Variants in HOPX observed in about 807,000 individuals in gnomAD.
The protein encoded by HOPX is HOP homeobox, also known as homeodomain-only protein.
A neutral mutation model predicts 11.8 loss-of-function variants in HOPX; 5 were observed. That is an observed-to-expected ratio of 0.43 (90% CI 0.22 to 0.89). The LOEUF (loss-of-function observed/expected upper bound fraction) is 0.89. Ranked by LOEUF, HOPX falls within the 40% of genes least tolerant of loss-of-function variation. The pLI is 0.28. For synonymous variants in HOPX, 49 were observed against 49.7 expected, an observed-to-expected ratio of 0.99 and a Z score of 0.06; for missense variants, 119 against 120.0, an observed-to-expected ratio of 0.99 and a Z score of 0.04.
rs1270561890 is a variant in HOPX, at chr4:56,656,100, A to G, written c.43-88T>C. ...GAAGGCGGTCGCGGCGCCGCCGGGCAGCCCCAGCCCCAGGCCGCCCCCTCC... is the reference window on the plus strand; with the variant it reads ...GAAGGCGGTCGCGGCGCCGCCGGGCGGCCCCAGCCCCAGGCCGCCCCCTCC... On this transcript the variant is annotated intron_variant, in intron 2 of 3. Coordinates refer to ENST00000420433, the MANE Select transcript of HOPX (RefSeq NM_032495.6). 2.3e-6 allele frequency: 3 copies of G among 1,318,702 alleles called. No individual in the cohort carries two copies. In the East Asian group the frequency reaches 9.7e-5, roughly 43 times the overall value. 81.7% of individuals were successfully genotyped at this position (1,318,702 alleles called of 1,614,324 possible). A position where few individuals can be genotyped will look rare whatever the true frequency, so the allele number is the denominator to read the frequency against.
intron 3 of HOPX, among the ~76,000 whole-genome samples, chr4:56,654,981 G>C (rs933495471): frequency 1.3e-5 from 2 of 152,130 alleles, no homozygotes; most frequent in Non-Finnish European, 2.9e-5. Context: ...TCGGAGTTTA[G>C]ACAGGGTTTT....
intron 2 of HOPX, among the ~76,000 whole-genome samples, 188 bp downstream of exon 2, chr4:56,657,587 C>A (rs557982959): frequency 6.6e-6 from 1 of 152,294 alleles, no homozygotes; most frequent in African/African-American, 2.4e-5. Flanking sequence ...ACTTGCCAAG[C>A]CACCATGAAA....
intron 1 of HOPX, among the ~76,000 whole-genome samples, chr4:56,658,305 AT>A (rs1329945920): frequency 6.6e-6 from 1 of 152,094 alleles, no homozygotes; most frequent in Non-Finnish European, 1.5e-5. Flanking sequence ...ACTGCATTTT[AT>A]TTTATGAGAT....
rs193197542 is a variant in HOPX, at chr4:56,676,546, T to C, written c.-84+4709A>G. On this transcript the variant is annotated intron_variant, in intron 1 of 3. Coordinates refer to ENST00000420433, the MANE Select transcript of HOPX (RefSeq NM_032495.6). ...TTGTCATTTGTTTTTCTTTTCTTTT[T>C]TTTTTTATTTTGGAGAAACTCTGAA... is the stretch of plus-strand genomic sequence containing the variant. The C allele has an allele frequency of 4.4e-4, 67 of 151,718 alleles. 3 individuals carry two copies. Among genetic ancestry groups the C allele is most frequent in the African/African-American group, 1.6e-3 (64 of 41,026 alleles). The allele number at this position is 151,718 out of a possible 1,614,324, so 9.4% of individuals were successfully genotyped here.
Position 56,648,427 on chromosome 4 carries a change from A to G in HOPX, c.*293T>C, listed in dbSNP as rs1345605990. 1.0e-5 allele frequency: 3 copies of G among 300,514 alleles called. No homozygotes were observed. The highest frequency in any genetic ancestry group is 6.5e-5 in the African/African-American group (3 of 46,372). The allele number at this position is 300,514 out of a possible 1,614,324, so 18.6% of individuals were successfully genotyped here. A position where few individuals can be genotyped will look rare whatever the true frequency, so the allele number is the denominator to read the frequency against. Reference sequence around the variant, plus strand: ...CTACTGGGAGGTGATGGTCAAAAGCAAACTTAGATGGTTTTCACACCATCT... The same window carrying G: ...CTACTGGGAGGTGATGGTCAAAAGCGAACTTAGATGGTTTTCACACCATCT... On this transcript the variant is annotated 3_prime_UTR_variant, in exon 4 of 4. Transcript: ENST00000420433.
At chr4:56,654,756 T>C (rs561602341) in intron 3 of HOPX, among the ~76,000 whole-genome samples, 20 of 152,340 alleles carry the variant, frequency 1.3e-4, no homozygotes, top group Admixed American at 9.8e-4. Flanking sequence ...CTGGATCCAT[T>C]ACAAGCTTCT....
At chr4:56,651,882 G>A (rs1263997444) in intron 3 of HOPX, among the ~76,000 whole-genome samples, 1 of 126,274 alleles carries the variant, frequency 7.9e-6, no homozygotes, top group Non-Finnish European at 1.7e-5. Context: ...GAGTGTGTGT[G>A]TGTGTGTGTG....
At chr4:56,656,087 G>C in intron 2 of HOPX, 75 bp from the exon 3 acceptor site, 2 of 1,363,618 alleles carry the variant, frequency 1.5e-6, no homozygotes, top group South Asian at 3.3e-5. Flanking sequence ...AGGCGGTCGC[G>C]GCGCCGCCGG....
chr4:56,680,922 T>C, intron 1 of HOPX: 1 of 451,148 alleles, frequency 2.2e-6, no homozygotes, highest in Non-Finnish European at 2.9e-6. Flanking sequence ...GAGAAAATCA[T>C]AGGCATCTGA....
At chr4:56,673,334 GA>G (rs796334115) in intron 1 of HOPX, among the ~76,000 whole-genome samples, 4 of 152,284 alleles carry the variant, frequency 2.6e-5, no homozygotes, top group East Asian at 1.9e-4. Flanking sequence ...TAAAACCTAA[GA>G]GGGGGTCTTG....
chr4:56,680,263 A>C (rs1290115470), intron 1 of HOPX: 2 of 152,134 alleles, frequency 1.3e-5, no homozygotes, highest in Non-Finnish European at 2.9e-5. Flanking sequence ...ATACCTGAGA[A>C]AGGTCCTTGG....
chr4:56,661,247 A>T (rs1180965934), intron 1 of HOPX, among the ~76,000 whole-genome samples: 4 of 152,208 alleles, frequency 2.6e-5, no homozygotes, highest in Admixed American at 6.5e-5. Context: ...TTCACTCAAC[A>T]GTGTTTCCAG....
Position 56,648,397 on chromosome 4 carries a change from A to C in HOPX, c.*323T>G. 4.1e-6 allele frequency: 1 copy of C among 243,064 alleles called. No homozygotes were observed. Among genetic ancestry groups the C allele is most frequent in the East Asian group, 7.6e-5 (1 of 13,192 alleles). The allele number at this position is 243,064 out of a possible 1,614,324, so 15.1% of individuals were successfully genotyped here. A position where few individuals can be genotyped will look rare whatever the true frequency, so the allele number is the denominator to read the frequency against. ...GATTGCTAAATGGATTATGAAAGCA[A>C]ATTGCTACTGGGAGGTGATGGTCAA... is the stretch of plus-strand genomic sequence containing the variant. On this transcript the variant is annotated 3_prime_UTR_variant, in exon 4 of 4. Transcript: ENST00000420433.
At chr4:56,660,582 T>C (rs890810619) in intron 1 of HOPX, among the ~76,000 whole-genome samples, 4 of 152,176 alleles carry the variant, frequency 2.6e-5, no homozygotes, top group Admixed American at 1.3e-4. Flanking sequence ...TTTTTCCCCC[T>C]ATATAACAAT....
intron 1 of HOPX, among the ~76,000 whole-genome samples, chr4:56,677,178 C>T (rs1019865352): frequency 7.2e-5 from 11 of 151,770 alleles, no homozygotes; most frequent in Non-Finnish European, 1.6e-4. Flanking sequence ...ACAGGAAATG[C>T]AGCTACTTCT....
intron 3 of HOPX, among the ~76,000 whole-genome samples, chr4:56,652,503 C>T (rs1237063853): frequency 1.3e-5 from 2 of 152,048 alleles, no homozygotes; most frequent in Non-Finnish European, 2.9e-5. Flanking sequence ...AGGAGCAACA[C>T]TAGTAAGAAC....
chr4:56,675,650 T>C (rs1431945662), intron 1 of HOPX, among the ~76,000 whole-genome samples: 1 of 151,720 alleles, frequency 6.6e-6, no homozygotes, highest in Non-Finnish European at 1.5e-5. Flanking sequence ...TCTGCTGTAT[T>C]GCACTGTGTG....
At chr4:56,668,852 C>T (rs188961569) in intron 1 of HOPX, among the ~76,000 whole-genome samples, 138 of 152,254 alleles carry the variant, frequency 9.1e-4, no homozygotes, top group African/African-American at 2.9e-3. Context: ...TCATTTCTAA[C>T]GCCTCCACTT....
chr4:56,676,089 G>A lies in HOPX; in HGVS notation c.-84+5166C>T, dbSNP rs185706258. ...AGGTGGACAGATCGTTTGAGCTCAG[G>A]AGTTCAAGACCAGCCTTGGCAACAT... is the stretch of plus-strand genomic sequence containing the variant. On this transcript the variant is annotated intron_variant, in intron 1 of 3. Transcript: ENST00000420433. Among the ~76,000 whole-genome samples the A allele has an allele frequency of 6.6e-4, 100 of 151,676 alleles. 4 individuals are homozygous for A. The highest frequency in any genetic ancestry group is 2.3e-3 in the African/African-American group (94 of 40,982).
Sources: gnomAD v4.1 joint callset for allele counts (sites outside exome capture counted in the v4.1 genomes callset) on GRCh38, gnomAD v4.1.1 for gene constraint, MANE v1.5 for transcripts, NCBI Gene and HGNC (gene_info 2026-07-23, HGNC 2026-07-21) for gene names.